Variants in RARB observed in about 807,000 individuals in gnomAD.
RARB encodes the protein retinoic acid receptor beta.
In RARB, 17 loss-of-function variants were observed where a neutral mutation model predicts 51.9. That is an observed-to-expected ratio of 0.33 (90% confidence interval 0.22 to 0.49). RARB has a LOEUF of 0.49. Ranked by LOEUF, RARB falls within the 20% of genes least tolerant of loss-of-function variation. The pLI, the probability that RARB is intolerant of heterozygous loss-of-function variation, is 0.99. For synonymous variants in RARB, 215 were observed against 195.4 expected (o/e 1.10, Z -0.84); for missense variants, 369 against 550.8 (o/e 0.67, Z 3.30).
At chr3:24,877,345 A>ATTTTTTTTTTTTTTTTTTTTTTTTTTTT (rs1559379782) in intron 2 of RARB, among the ~76,000 whole-genome samples, 3 of 17,762 alleles carry the variant, frequency 1.7e-4, no homozygotes, top group East Asian at 1.0e-3. Flanking sequence ...AAGCAATCTT[A>ATTTTTTTTTTTTTTTTTTTTTTTTTTTT]CTTTTTTTTT....
intron 2 of RARB, chr3:25,025,036 T>G (rs1267399202): frequency 6.7e-6 from 1 of 149,482 alleles, no homozygotes; most frequent in Non-Finnish European, 1.5e-5. Flanking sequence ...ACACTCTCAA[T>G]CTCATCTGAT....
At chr3:25,105,221 A>G (rs1392159782) in intron 3 of RARB, among the ~76,000 whole-genome samples, 1 of 148,344 alleles carries the variant, frequency 6.7e-6, no homozygotes. Flanking sequence ...ATCCCCACAG[A>G]GCATCTACAC....
Position 25,569,858 on chromosome 3 carries a change from GA to G in RARB, c.550del (p.Ile184SerfsTer62). ...TAELDDLTEKIRKAHQETFPS... is the reference protein window; with the variant it reads ...TAELDDLTEKXRKAHQETFPS... ...CTGAGTTGGACGATCTCACAGAGAA[GA>G]TCCGAAAAGCTCACCAGGAAACTTT... is the stretch of plus-strand genomic sequence containing the variant. On this transcript the variant is annotated frameshift_variant, in exon 4 of 8. Coordinates refer to ENST00000330688, the MANE Select transcript of RARB (RefSeq NM_000965.5). LOFTEE classifies it high-confidence loss of function. 1 of 1,614,200 alleles carries G rather than the reference GA, an allele frequency of 6.2e-7. No homozygotes were observed. Among genetic ancestry groups the G allele is most frequent in the Non-Finnish European group, 8.5e-7 (1 of 1,180,030 alleles).
At chr3:25,422,203 T>TATATTAATATTTATATTAATAA (rs1707881549) in intron 5 of RARB, among the ~76,000 whole-genome samples, 1 of 152,224 alleles carries the variant, frequency 6.6e-6, no homozygotes, top group Non-Finnish European at 1.5e-5. Context: ...ATCTCAGTTG[T>TATATTAATATTTATATTAATAA]AGACATTATC....
chr3:24,945,075 T>G (rs1398056207), intron 2 of RARB, among the ~76,000 whole-genome samples: 1 of 152,258 alleles, frequency 6.6e-6, no homozygotes, highest in East Asian at 1.9e-4. Flanking sequence ...AACAGTGATA[T>G]AGTTTTAATA....
chr3:25,326,043 G>A (rs1469860722), intron 5 of RARB, among the ~76,000 whole-genome samples: 2 of 152,180 alleles, frequency 1.3e-5, no homozygotes, highest in Non-Finnish European at 2.9e-5. Flanking sequence ...TATTGAGGAA[G>A]GCTGGTCATG....
At chr3:25,125,581 A>G (rs77625307) in intron 3 of RARB, among the ~76,000 whole-genome samples, 2 of 152,310 alleles carry the variant, frequency 1.3e-5, no homozygotes, top group South Asian at 2.1e-4. Flanking sequence ...CTGGATTCAG[A>G]TATTTAAAAA....
chr3:25,024,643 A>G (rs1240744537), intron 2 of RARB, among the ~76,000 whole-genome samples: 2 of 152,180 alleles, frequency 1.3e-5, no homozygotes, highest in African/African-American at 2.4e-5. Flanking sequence ...AGCTGCAACA[A>G]GATAAGAAAT....
At chr3:25,000,789 C>G (rs1042999172) in intron 2 of RARB, among the ~76,000 whole-genome samples, 1 of 152,138 alleles carries the variant, frequency 6.6e-6, no homozygotes, top group Non-Finnish European at 1.5e-5. Context: ...TGTACTCTTA[C>G]AAATACTACA....
chr3:25,575,024 GCCAGTATCAC>G (rs1342210030), intron 4 of RARB, among the ~76,000 whole-genome samples: 1 of 152,140 alleles, frequency 6.6e-6, no homozygotes, highest in Non-Finnish European at 1.5e-5. Flanking sequence ...CACCTGTGCT[GCCAGTATCAC>G]CCAGCAGCGG....
chr3:25,445,588 G>T (rs1239389274), intron 1 of RARB, among the ~76,000 whole-genome samples: 2 of 152,108 alleles, frequency 1.3e-5, no homozygotes, highest in African/African-American at 4.8e-5. Flanking sequence ...AATTGCTTGA[G>T]CCCAGGAGGC....
chr3:25,119,374 GTT>G (rs1455195026), intron 3 of RARB, among the ~76,000 whole-genome samples: 2 of 152,132 alleles, frequency 1.3e-5, no homozygotes, highest in African/African-American at 4.8e-5. Context: ...GTCTAACTGT[GTT>G]TGCTACAGTT....
At chr3:25,490,896 A>G (rs886116750) in intron 2 of RARB, among the ~76,000 whole-genome samples, 1 of 152,196 alleles carries the variant, frequency 6.6e-6, no homozygotes, top group African/African-American at 2.4e-5. Flanking sequence ...AGATTTAAAG[A>G]AAGCATGTGG....
chr3:25,232,154 C>T (rs924448614), intron 5 of RARB, among the ~76,000 whole-genome samples: 1 of 151,954 alleles, frequency 6.6e-6, no homozygotes, highest in Admixed American at 6.6e-5. Context: ...GGTTAATTGA[C>T]CATTGTTTCT....
At chr3:25,558,295 C>T (rs1700137362) in intron 3 of RARB, among the ~76,000 whole-genome samples, 1 of 152,162 alleles carries the variant, frequency 6.6e-6, no homozygotes, top group African/African-American at 2.4e-5. Context: ...AATGTTCTCT[C>T]GAAAGTCACA....
intron 2 of RARB, among the ~76,000 whole-genome samples, chr3:24,911,271 T>G (rs968459860): frequency 6.6e-6 from 1 of 152,068 alleles, no homozygotes; most frequent in African/African-American, 2.4e-5. Context: ...CACACAGACC[T>G]CCCAACAAGT....
intron 3 of RARB, among the ~76,000 whole-genome samples, chr3:25,095,349 A>G (rs1445601319): frequency 6.6e-6 from 1 of 152,198 alleles, no homozygotes; most frequent in Non-Finnish European, 1.5e-5. Context: ...TCCCTGGACC[A>G]GCAACATCAG....
chr3:25,167,008 T>A (rs1224513776), intron 4 of RARB, among the ~76,000 whole-genome samples: 1 of 152,240 alleles, frequency 6.6e-6, no homozygotes, highest in Non-Finnish European at 1.5e-5. Flanking sequence ...TTTTTATTGT[T>A]CAATTTCAGA....
intron 3 of RARB, among the ~76,000 whole-genome samples, chr3:25,535,700 G>A (rs1699112604): frequency 6.6e-6 from 1 of 152,020 alleles, no homozygotes; most frequent in Non-Finnish European, 1.5e-5. Context: ...TGAGAATGAT[G>A]GTTTATGAGT....
Sources: allele counts gnomAD v4.1 joint callset (sites outside exome capture counted in the v4.1 genomes callset), GRCh38; gene constraint gnomAD v4.1.1; transcripts MANE v1.5; gene names NCBI Gene and HGNC (gene_info 2026-07-23, HGNC 2026-07-21).